NCSTN: variants seen among roughly 807,000 people sequenced by gnomAD.
NCSTN encodes the protein anterior pharynx-defective 2.
NCSTN carries 22 observed loss-of-function variants against 87.0 expected under a neutral mutation model. That is an observed-to-expected ratio of 0.25 (90% CI 0.18 to 0.36). The LOEUF is 0.36. Among genes scored for constraint, NCSTN ranks in the 10% least tolerant of loss-of-function variants. The pLI, the probability that NCSTN is intolerant of heterozygous loss-of-function variation, is 1.00. For missense variants in NCSTN, 693 were observed against 883.3 expected (o/e 0.78, Z 2.73); for synonymous variants, 306 against 327.1 (o/e 0.94, Z 0.69).
intron 2 of NCSTN, among the ~76,000 whole-genome samples, chr1:160,345,755 G>A (rs986847861): frequency 1.3e-5 from 2 of 151,192 alleles, no homozygotes; most frequent in African/African-American, 4.9e-5. Flanking sequence ...CCAGCATGGT[G>A]AAACCCCCCC....
At chr1:160,348,813 C>T (rs1276167550) in intron 2 of NCSTN, among the ~76,000 whole-genome samples, 186 bp from the exon 3 acceptor site, 2 of 152,186 alleles carry the variant, frequency 1.3e-5, no homozygotes, top group African/African-American at 4.8e-5. Context: ...CTTTTATATT[C>T]CATTCCCTCC....
chr1:160,355,322 A>G (rs926784049), intron 11 of NCSTN, among the ~76,000 whole-genome samples: 5 of 152,240 alleles, frequency 3.3e-5, no homozygotes, highest in Non-Finnish European at 5.9e-5. Context: ...CTCATGATAC[A>G]TGGCAGAGTT....
chr1:160,348,360 T>C (rs1648630188), intron 2 of NCSTN, among the ~76,000 whole-genome samples: 1 of 152,142 alleles, frequency 6.6e-6, no homozygotes, highest in Non-Finnish European at 1.5e-5. Context: ...CTGGGGTAAA[T>C]GATAAGTAGG....
chr1:160,350,051 T>C (rs1648750069), intron 4 of NCSTN, 54 bp from the exon 5 acceptor site: 6 of 1,591,794 alleles, frequency 3.8e-6, no homozygotes, highest in Non-Finnish European at 5.2e-6. Context: ...ACCTGGTTCC[T>C]AAGTACTTGG....
intron 2 of NCSTN, among the ~76,000 whole-genome samples, chr1:160,345,542 A>G (rs1395040780): frequency 6.6e-6 from 1 of 152,180 alleles, no homozygotes; most frequent in Non-Finnish European, 1.5e-5. Flanking sequence ...AGGAGAAAAA[A>G]GTCTCATATT....
intron 9 of NCSTN, 60 bp from the exon 10 acceptor site, chr1:160,353,100 C>T (rs1648954297): frequency 6.3e-7 from 1 of 1,593,512 alleles, no homozygotes; most frequent in Non-Finnish European, 8.6e-7. Flanking sequence ...CTTCTATCCC[C>T]TAGGCATGGC....
At chr1:160,349,372 A>G in intron 3 of NCSTN, 177 bp from the exon 4 acceptor site, 1 of 1,063,318 alleles carries the variant, frequency 9.4e-7, no homozygotes, top group East Asian at 2.4e-5. Flanking sequence ...TTACTCACTA[A>G]AGCTCTACTT....
chr1:160,351,908 T>A, intron 7 of NCSTN, 103 bp downstream of exon 7: 1 of 1,471,712 alleles, frequency 6.8e-7, no homozygotes, highest in Non-Finnish European at 9.5e-7. Flanking sequence ...TTGGGAAGCC[T>A]CAAATGGGGA....
rs1446225036 is a variant in NCSTN at position 160,356,342 on chromosome 1, A to C, written c.1634A>C (p.Tyr545Ser). 2 of 1,606,696 alleles carry C rather than the reference A, an allele frequency of 1.2e-6. No individual in the cohort carries two copies. Among genetic ancestry groups the C allele is most frequent in the Non-Finnish European group, 1.7e-6 (2 of 1,173,252 alleles). The change falls in exon 14 of 17, where the codon TAC becomes TCC. Residue 545 changes from tyrosine to serine, a missense_variant. By Grantham distance (144) the Tyr-to-Ser change is moderately radical. Around this residue, in one of 4 missense-constraint regions of NCSTN, gnomAD observed 216 missense variants for 311.7 expected, o/e 0.69. Coordinates refer to ENST00000294785, the MANE Select transcript of NCSTN (RefSeq NM_015331.3). ...ATCCTCAGGCAGGACCTAAGGTCCTACTTGGGTAAGCATCTGGTGTGGGAA... is the reference window on the plus strand; with the variant it reads ...ATCCTCAGGCAGGACCTAAGGTCCTCCTTGGGTAAGCATCTGGTGTGGGAA... Reference protein sequence around the residue: ...QSILRQDLRSYLGDGPLQHYI... With the variant: ...QSILRQDLRSSLGDGPLQHYI...
chr1:160,354,526 G>A (rs896937166), intron 11 of NCSTN, among the ~76,000 whole-genome samples: 4 of 152,118 alleles, frequency 2.6e-5, no homozygotes, highest in African/African-American at 9.7e-5. Flanking sequence ...AACAATCCTT[G>A]GTTATGGTTC....
intron 6 of NCSTN, 127 bp downstream of exon 6, chr1:160,351,499 G>A: frequency 1.5e-6 from 2 of 1,351,368 alleles, no homozygotes; most frequent in Non-Finnish European, 2.1e-6. Flanking sequence ...CTGCATGGGA[G>A]AACTAGAAAC....
intron 14 of NCSTN, 23 bp downstream of exon 14, chr1:160,356,370 G>A (rs906554999): frequency 8.3e-6 from 13 of 1,566,024 alleles, no homozygotes; most frequent in Middle Eastern, 3.3e-4. Flanking sequence ...TGTGGGAATG[G>A]GACCCTTAGC....
intron 5 of NCSTN, among the ~76,000 whole-genome samples, chr1:160,350,783 A>G (rs1648793600): frequency 1.3e-5 from 2 of 152,174 alleles, no homozygotes; most frequent in Admixed American, 1.3e-4. Context: ...TTTAGCTCTA[A>G]TATGCCTTAA....
intron 5 of NCSTN, among the ~76,000 whole-genome samples, chr1:160,350,472 AG>A (rs1273893783): frequency 2.8e-5 from 4 of 145,030 alleles, no homozygotes; most frequent in South Asian, 2.3e-4. Flanking sequence ...AAAAAAAAAA[AG>A]GATTATTTTA....
intron 7 of NCSTN, 119 bp from the exon 8 acceptor site, chr1:160,351,935 G>A: frequency 6.8e-7 from 1 of 1,480,916 alleles, no homozygotes; most frequent in Non-Finnish European, 9.4e-7. Context: ...TGGGCTGTGG[G>A]ACTCCTGGGT....
chr1:160,350,177 G>A lies in NCSTN; in HGVS notation c.509G>A (p.Gly170Asp). The part of the protein sequence containing the change: ...REIQWNSLGN[G>D]LAYEDFSFPI... ...ATACAGTGGAATTCGCTGGGCAATG[G>A]TTTGGCTTATGAAGACTTTAGTTTC... Residue 170 changes from glycine to aspartate, a missense_variant, in exon 5 of 17, where the codon GGT (glycine) becomes GAT (aspartate). This residue lies in a region of NCSTN where 235 missense variants were observed against 233.9 expected (regional missense o/e 1.00). Coordinates refer to ENST00000294785, the MANE Select transcript of NCSTN (RefSeq NM_015331.3). 2 of 1,614,142 alleles carry A rather than the reference G, an allele frequency of 1.2e-6. No homozygotes were observed. The highest frequency in any genetic ancestry group is 1.7e-5 in the Admixed American group (1 of 60,026).
In NCSTN at chr1:160,351,330, A is replaced by C; in HGVS notation, c.691A>C (p.Met231Leu). 6.2e-7 allele frequency: 1 copy of C among 1,614,196 alleles called. No homozygotes were observed. Among genetic ancestry groups the C allele is most frequent in the Non-Finnish European group, 8.5e-7 (1 of 1,180,038 alleles). ...MHAVISTATCMRRSSIQSTFS... is the reference protein window; with the variant it reads ...MHAVISTATCLRRSSIQSTFS... ...TGCTGTCATCAGCACTGCCACCTGCATGCGGCGCAGCTCCATCCAAAGCAC... is the reference window on the plus strand; with the variant it reads ...TGCTGTCATCAGCACTGCCACCTGCCTGCGGCGCAGCTCCATCCAAAGCAC... Residue 231 changes from methionine (M) to leucine (L), a missense_variant, in exon 6 of 17, where the codon ATG becomes CTG. By Grantham distance (15) the Met-to-Leu change is conservative. This residue lies in a region of NCSTN where 134 missense variants were observed against 226.0 expected (regional missense o/e 0.59). Coordinates refer to ENST00000294785, the MANE Select transcript of NCSTN (RefSeq NM_015331.3).
Position 160,356,844 on chromosome 1 carries a change from T to C in NCSTN, c.1794+90T>C, listed in dbSNP as rs1019206198. The C allele has an allele frequency of 3.4e-5, 52 of 1,547,104 alleles. No individual in the cohort carries two copies. The Middle Eastern group carries it at 6.5e-4, about 19-fold the overall frequency. ...TCTAGACCTAGTTAGACCCAGGGGA[T>C]TGGGATGGAGAGGTGGAGAGATGCA... On this transcript the variant is annotated intron_variant, in intron 15 of 16. Transcript: ENST00000294785.
intron 2 of NCSTN, chr1:160,345,199 C>T (rs1648401069): frequency 1.4e-5 from 4 of 291,994 alleles, no homozygotes; most frequent in Admixed American, 9.9e-5. Context: ...GCTGAGAGAC[C>T]TTTTTTTTTT....
Sources: allele counts gnomAD v4.1 joint callset (sites outside exome capture counted in the v4.1 genomes callset), GRCh38; gene constraint gnomAD v4.1.1; regional missense constraint gnomAD v4.1.1; transcripts MANE v1.5; gene names NCBI Gene and HGNC (gene_info 2026-07-23, HGNC 2026-07-21).